Variants in URB1 observed in about 807,000 individuals in gnomAD.
URB1 encodes the protein URB1 ribosome biogenesis factor.
Under a neutral mutation model 242.3 loss-of-function variants are expected in URB1, and 197 were observed. The ratio of observed to expected loss-of-function variants is 0.81; its 90% CI spans 0.72 to 0.91. The LOEUF is 0.91. URB1 is among the 40% of genes least tolerant of loss of function. The probability of loss-of-function intolerance (pLI) is 0.00; values close to 1 mark genes in which losing one functional copy is unlikely to be tolerated. For missense variants in URB1, 2,721 were observed against 2,860.5 expected, an observed-to-expected ratio of 0.95 and a Z score of 1.11; for synonymous variants, 1,153 against 1,201.8, an observed-to-expected ratio of 0.96 and a Z score of 0.84.
rs1268633915 is a variant in URB1, at chr21:32,380,245, C to T, written c.568-1704G>A. On this transcript the variant is annotated intron_variant, in intron 4 of 38. Transcript: ENST00000382751. Reference sequence around the variant, plus strand: ...ATGTTTCTTCTGGAGAAAAGGAAGGCTATCCAACCCATGCTCCCTAATATG... The same window carrying T: ...ATGTTTCTTCTGGAGAAAAGGAAGGTTATCCAACCCATGCTCCCTAATATG... Among the ~76,000 whole-genome samples the T allele has an allele frequency of 1.3e-5, 2 of 152,288 alleles. 1 individual carries two copies. Among genetic ancestry groups the T allele is most frequent in the East Asian group, 3.9e-4 (2 of 5,186 alleles).
Position 32,392,888 on chromosome 21 carries a change from G to A in URB1, c.23C>T (p.Ala8Val). The A allele has an allele frequency of 6.5e-7, 1 of 1,528,900 alleles. No homozygotes were observed. Among genetic ancestry groups the A allele is most frequent in the Non-Finnish European group, 8.7e-7 (1 of 1,143,418 alleles). The allele number at this position is 1,528,900 out of a possible 1,614,324, so 94.7% of individuals were successfully genotyped here. Residue 8 changes from alanine to valine, a missense_variant, in exon 1 of 39, where the codon GCC (alanine) becomes GTC (valine). Transcript: ENST00000382751. ...AGCCGCGCCGTCCTGGCCGCCCGAG[G>A]CCTTCCTCTTGGGGACCCCCATGGC... is the stretch of plus-strand genomic sequence containing the variant. The part of the protein sequence containing the change: MGVPKRK[A>V]SGGQDGAASS...
chr21:32,375,377 C>T (rs374524679), intron 6 of URB1, 21 bp downstream of exon 6: 95 of 1,436,704 alleles, frequency 6.6e-5, no homozygotes, highest in South Asian at 1.4e-4. Flanking sequence ...ACAACAGAAA[C>T]GCGGATCACC....
intron 14 of URB1, among the ~76,000 whole-genome samples, chr21:32,358,721 T>C (rs1368319177): frequency 1.2e-4 from 19 of 152,152 alleles, no homozygotes; most frequent in Admixed American, 1.2e-3. Flanking sequence ...TGAGCCTAGT[T>C]GAGCTGGAGT....
chr21:32,353,302 T>C (rs1430084304), intron 18 of URB1, among the ~76,000 whole-genome samples: 1 of 152,194 alleles, frequency 6.6e-6, no homozygotes, highest in Non-Finnish European at 1.5e-5. Flanking sequence ...CTTGCTTGAC[T>C]GTCCACCCTT....
At chr21:32,378,297 C>A in intron 5 of URB1, 148 bp downstream of exon 5, 1 of 685,812 alleles carries the variant, frequency 1.5e-6, no homozygotes, top group Non-Finnish European at 2.5e-6. Flanking sequence ...TTTGCACCCG[C>A]TCACCCACCT....
chr21:32,382,492 C>G (rs964887845), intron 4 of URB1, among the ~76,000 whole-genome samples: 3 of 152,082 alleles, frequency 2.0e-5, no homozygotes, highest in African/African-American at 7.2e-5. Flanking sequence ...TATTATCAAC[C>G]CTTTAGTCCA....
chr21:32,371,963 T>TAA (rs939375048), intron 8 of URB1, among the ~76,000 whole-genome samples: 1 of 146,776 alleles, frequency 6.8e-6, no homozygotes, highest in Non-Finnish European at 1.5e-5. Context: ...AACAAAATGT[T>TAA]AAAAAAAAAA....
chr21:32,373,426 T>C (rs1398563870), intron 7 of URB1, among the ~76,000 whole-genome samples: 1 of 151,270 alleles, frequency 6.6e-6, no homozygotes, highest in Non-Finnish European at 1.5e-5. Context: ...AATCATAGTT[T>C]TCTAATTAAA....
chr21:32,384,518 T>C, intron 2 of URB1, 54 bp from the exon 3 acceptor site: 3 of 1,529,068 alleles, frequency 2.0e-6, no homozygotes. Context: ...TTTCCTCCTG[T>C]ACATATATGC....
At chr21:32,372,370 C>G in intron 8 of URB1, 137 bp downstream of exon 8, 1 of 1,207,568 alleles carries the variant, frequency 8.3e-7, no homozygotes, top group East Asian at 2.7e-5. Flanking sequence ...GGGACTACAA[C>G]TGTTCAACCC....
At chr21:32,320,428 T>G (rs943925954) in intron 35 of URB1, 103 bp downstream of exon 35, 2 of 867,606 alleles carry the variant, frequency 2.3e-6, no homozygotes, top group African/African-American at 1.7e-5. Flanking sequence ...AGCATGGATT[T>G]TACTGGACAT....
At chr21:32,319,162 A>C (rs2032730186) in intron 36 of URB1, 55 bp downstream of exon 36, 3 of 1,503,828 alleles carry the variant, frequency 2.0e-6, no homozygotes, top group Non-Finnish European at 2.7e-6. Context: ...CAGGTGGCAG[A>C]CCAACACAGC....
At position 32,316,651 on chromosome 21, in the gene URB1, A is replaced by G. The variant is rs770839452; in HGVS notation, c.6449T>C (p.Phe2150Ser). The G allele has an allele frequency of 5.2e-6, 8 of 1,551,556 alleles. No homozygotes were observed. The South Asian group carries it at 9.5e-5, about 18-fold the overall frequency. Residue 2150 changes from phenylalanine to serine, a missense_variant, in exon 38 of 39, where the codon TTC becomes TCC. Physicochemically the swap from Phe to Ser is radical, Grantham distance 155. Transcript: ENST00000382751. ...LKDSAVRSSI[F>S]RLYSRLCGAE... ...CCCACAGAGCCGGCTATACAGCCTGAATATGCTGCTCCTCACGGCACTGTC... is the reference window on the plus strand; with the variant it reads ...CCCACAGAGCCGGCTATACAGCCTGGATATGCTGCTCCTCACGGCACTGTC...
intron 11 of URB1, 45 bp downstream of exon 11, chr21:32,363,111 C>T: frequency 6.6e-7 from 1 of 1,526,282 alleles, no homozygotes; most frequent in South Asian, 1.2e-5. Flanking sequence ...CCTTTTCCAC[C>T]TGGTGAGGTC....
chr21:32,386,938 C>A (rs1449925852), intron 1 of URB1, among the ~76,000 whole-genome samples: 1 of 151,766 alleles, frequency 6.6e-6, no homozygotes, highest in African/African-American at 2.4e-5. Context: ...CCTGCTCATG[C>A]AATGGAGCTG....
Position 32,311,444 on chromosome 21 carries a change from G to A in URB1, c.*3474C>T. On this transcript the variant is annotated 3_prime_UTR_variant, in exon 39 of 39. Transcript: ENST00000382751. Reference sequence around the variant, plus strand: ...CCCCCATCCTAAATCAATGTAGGAAGAAGTGGCCTCCAGGGAAAGACCTGA... The same window carrying A: ...CCCCCATCCTAAATCAATGTAGGAAAAAGTGGCCTCCAGGGAAAGACCTGA... 4 of 220,926 alleles carry A rather than the reference G, an allele frequency of 1.8e-5. No individual in the cohort carries two copies. The highest frequency in any genetic ancestry group is 7.0e-5 in the Admixed American group (1 of 14,344). The allele number at this position is 220,926 out of a possible 1,614,324, so 13.7% of individuals were successfully genotyped here. A position where few individuals can be genotyped will look rare whatever the true frequency, so the allele number is the denominator to read the frequency against.
intron 27 of URB1, 57 bp downstream of exon 27, chr21:32,337,347 C>G (rs2032972015): frequency 1.4e-6 from 2 of 1,478,224 alleles, no homozygotes; most frequent in Middle Eastern, 1.9e-4. Flanking sequence ...TCTCTGCTCA[C>G]ACCCCCGGCC....
chr21:32,340,996 T>C lies in URB1; in HGVS notation c.4316+470A>G, dbSNP rs563366931. 4.0e-5 allele frequency among the ~76,000 whole-genome samples: 6 copies of C among 149,166 alleles called. No individual in the cohort carries two copies. In the South Asian group the frequency reaches 1.3e-3, roughly 31 times the overall value. On this transcript the variant is annotated intron_variant, in intron 25 of 38. Coordinates refer to ENST00000382751, the MANE Select transcript of URB1 (RefSeq NM_014825.3). ...AGTGAACAAAAGGATGTATAAAGAA[T>C]GATACATTAAAAAAAAAAGAATGAT...
Position 32,314,751 on chromosome 21 carries a change from G to A in URB1, c.*167C>T. On this transcript the variant is annotated 3_prime_UTR_variant, in exon 39 of 39. Coordinates refer to ENST00000382751, the MANE Select transcript of URB1 (RefSeq NM_014825.3). ...GCCCGAGTTTATCATTTACTGGGCA[G>A]TTCAATAAAGTCCTCTCAACTTTTC... 5 of 1,434,598 alleles carry A rather than the reference G, an allele frequency of 3.5e-6. No homozygotes were observed. The highest frequency in any genetic ancestry group is 4.8e-6 in the Non-Finnish European group (5 of 1,036,154). 88.9% of individuals were successfully genotyped at this position (1,434,598 alleles called of 1,614,324 possible). A position where few individuals can be genotyped will look rare whatever the true frequency, so the allele number is the denominator to read the frequency against.
Sources: gnomAD v4.1 joint callset for allele counts (sites outside exome capture counted in the v4.1 genomes callset) on GRCh38, gnomAD v4.1.1 for gene constraint, MANE v1.5 for transcripts, NCBI Gene and HGNC (gene_info 2026-07-23, HGNC 2026-07-21) for gene names.